Variants in GNAL observed in about 807,000 individuals in gnomAD.
GNAL encodes guanine nucleotide-binding protein G(olf) subunit alpha.
Under a neutral mutation model 55.1 loss-of-function variants are expected in GNAL, and 18 were observed. That is an observed-to-expected ratio of 0.33 (90% CI 0.23 to 0.48). The LOEUF is 0.48. GNAL is among the 20% of genes least tolerant of loss of function. The probability of loss-of-function intolerance (pLI) is 0.99; values close to 1 mark genes in which losing one functional copy is unlikely to be tolerated. For synonymous variants in GNAL, 253 were observed against 237.0 expected (o/e 1.07, Z -0.62); for missense variants, 412 against 614.1 (o/e 0.67, Z 3.48).
intron 4 of GNAL, among the ~76,000 whole-genome samples, chr18:11,766,437 T>C (rs1430821069): frequency 1.3e-5 from 2 of 152,286 alleles, no homozygotes; most frequent in Admixed American, 1.3e-4. Flanking sequence ...CCAAAAGATA[T>C]AAAGGAGCAG....
At chr18:11,733,744 A>G (rs993858856) in intron 1 of GNAL, among the ~76,000 whole-genome samples, 1 of 152,118 alleles carries the variant, frequency 6.6e-6, no homozygotes, top group Admixed American at 6.6e-5. Context: ...CAGACATTAG[A>G]GAGGCAGGAT....
At position 11,884,719 on chromosome 18, in the gene GNAL, AG is replaced by A. The variant is rs1489882371; in HGVS notation, c.*3586del. The A allele has an allele frequency of 4.7e-5, 66 of 1,415,046 alleles. No individual in the cohort carries two copies. The highest frequency in any genetic ancestry group is 5.2e-5 in the Non-Finnish European group (54 of 1,029,534). The allele number at this position is 1,415,046 out of a possible 1,614,324, so 87.7% of individuals were successfully genotyped here. ...ACAGCAGAGGGAAGACTGCCTTCTC[AG>A]GTCCCCCTCAGGTGAGGCAGGGAAC... On this transcript the variant is annotated 3_prime_UTR_variant, in exon 12 of 12. Coordinates refer to ENST00000334049, the MANE Select transcript of GNAL (RefSeq NM_182978.4).
intron 5 of GNAL, among the ~76,000 whole-genome samples, chr18:11,851,009 T>C (rs943729171): frequency 7.2e-5 from 11 of 152,244 alleles, no homozygotes; most frequent in Non-Finnish European, 1.2e-4. Context: ...AAGCAAGCGT[T>C]AGTGCGAAGA....
At chr18:11,764,174 G>A (rs917536661) in intron 4 of GNAL, among the ~76,000 whole-genome samples, 2 of 151,944 alleles carry the variant, frequency 1.3e-5, no homozygotes, top group African/African-American at 4.8e-5. Flanking sequence ...GCACAAGCTC[G>A]GCTCACTGCA....
At chr18:11,712,687 A>G (rs2031866122) in intron 1 of GNAL, among the ~76,000 whole-genome samples, 1 of 151,980 alleles carries the variant, frequency 6.6e-6, no homozygotes, top group East Asian at 1.9e-4. Context: ...TGTCCCATTT[A>G]CTCCTTAATC....
In GNAL at chr18:11,716,267, G is replaced by GGC. The variant is rs559227312; in HGVS notation, c.376+26330_376+26331dup. Among the ~76,000 whole-genome samples the GGC allele has an allele frequency of 2.6e-5, 4 of 152,214 alleles. No individual in the cohort carries two copies. The South Asian group carries it at 6.2e-4, about 24-fold the overall frequency. The stretch of plus-strand genomic sequence containing the variant: ...CGCGGTGAGTGTTACAGTTCTTAAA[G>GGC]GCGGCATGTCCAGAGTTTGTTCCTT... On this transcript the variant is annotated intron_variant, in intron 1 of 11. Transcript: ENST00000334049.
rs761851127 is a variant in GNAL at position 11,689,680 on chromosome 18, C to T, written c.117C>T (p.Ala39=). 2.0e-6 allele frequency: 3 copies of T among 1,464,976 alleles called. No homozygotes were observed. Among genetic ancestry groups the T allele is most frequent in the Middle Eastern group, 2.1e-4 (1 of 4,694 alleles). The allele number at this position is 1,464,976 out of a possible 1,614,324, so 90.7% of individuals were successfully genotyped here. Residue 39 remains alanine (A), a synonymous_variant, in exon 1 of 12, where the codon GCC becomes GCT. Transcript: ENST00000334049. ...DAQPAPAPAL[A]PVRAAARDTA... is the part of the protein sequence containing the mutation. Reference sequence around the variant, plus strand: ...AGCCCGCCCCGGCCCCGGCCCTGGCCCCAGTCCGGGCGGCCGCAAGGGACA... The same window carrying T: ...AGCCCGCCCCGGCCCCGGCCCTGGCTCCAGTCCGGGCGGCCGCAAGGGACA...
intron 1 of GNAL, among the ~76,000 whole-genome samples, chr18:11,690,511 AG>A (rs997553721): frequency 6.6e-6 from 1 of 151,534 alleles, no homozygotes; most frequent in African/African-American, 2.4e-5. Flanking sequence ...CACAATGTGC[AG>A]GTTAGTTACA....
intron 1 of GNAL, among the ~76,000 whole-genome samples, chr18:11,733,805 G>A (rs1023461832): frequency 6.6e-6 from 1 of 150,510 alleles, no homozygotes; most frequent in African/African-American, 2.5e-5. Flanking sequence ...CGCTCTTCAA[G>A]TGATGCCTAC....
At chr18:11,769,582 CCA>C (rs1021191971) in intron 4 of GNAL, among the ~76,000 whole-genome samples, 3 of 152,138 alleles carry the variant, frequency 2.0e-5, no homozygotes, top group African/African-American at 7.2e-5. Flanking sequence ...TAAAGTGAAT[CCA>C]CAGTTGTGGG....
chr18:11,731,444 C>T lies in GNAL; in HGVS notation c.377-21409C>T, dbSNP rs902980956. Among the ~76,000 whole-genome samples, 9 of 152,314 alleles carry T rather than the reference C, an allele frequency of 5.9e-5. No homozygotes were observed. The South Asian group carries it at 1.2e-3, about 21-fold the overall frequency. ...GATTACAGGCGTGAGCCACCGTGCC[C>T]GACTGGGAATTCAGTTTTTAAGGTT... On this transcript the variant is annotated intron_variant, in intron 1 of 11. Coordinates refer to ENST00000334049, the MANE Select transcript of GNAL (RefSeq NM_182978.4).
intron 5 of GNAL, chr18:11,857,921 T>C (rs2036046227): frequency 1.7e-5 from 3 of 179,556 alleles, no homozygotes; most frequent in East Asian, 1.9e-4. Flanking sequence ...TTCATTAACA[T>C]TGGGAAAAGT....
intron 1 of GNAL, among the ~76,000 whole-genome samples, chr18:11,717,930 A>T (rs2143392035): frequency 6.6e-6 from 1 of 152,332 alleles, no homozygotes; most frequent in East Asian, 1.9e-4. Flanking sequence ...TGTACCTCTG[A>T]ACCTAAAATG....
chr18:11,732,842 T>C lies in GNAL; in HGVS notation c.377-20011T>C, dbSNP rs983796022. Among the ~76,000 whole-genome samples, 21 of 152,340 alleles carry C rather than the reference T, an allele frequency of 1.4e-4. No individual in the cohort carries two copies. The South Asian group carries it at 4.3e-3, about 32-fold the overall frequency. On this transcript the variant is annotated intron_variant, in intron 1 of 11. Coordinates refer to ENST00000334049, the MANE Select transcript of GNAL (RefSeq NM_182978.4). ...CTGATGAGAAGCACAGTAAGTTAGC[T>C]ACAGCAATCACATAAGCAGAAGCAC...
chr18:11,721,629 A>G (rs1385257955), intron 1 of GNAL, among the ~76,000 whole-genome samples: 1 of 151,976 alleles, frequency 6.6e-6, no homozygotes, highest in African/African-American at 2.4e-5. Context: ...GGTGGCAGGT[A>G]CTTGTAATCC....
At chr18:11,792,780 G>A (rs1042810927) in intron 4 of GNAL, among the ~76,000 whole-genome samples, 1 of 152,202 alleles carries the variant, frequency 6.6e-6, no homozygotes, top group Admixed American at 6.5e-5. Context: ...GAAGGAGAGG[G>A]TAATTCTTGT....
chr18:11,759,413 ATCTGTTGG>A (rs1302441525), intron 4 of GNAL, among the ~76,000 whole-genome samples: 2 of 152,262 alleles, frequency 1.3e-5, no homozygotes, highest in African/African-American at 4.8e-5. Context: ...AAGCAGTCTG[ATCTGTTGG>A]TCAGTACTTT....
chr18:11,752,253 C>T lies in GNAL; in HGVS notation c.377-600C>T. ...TTACAGCCATTTAGTTGGGAGTTTG[C>T]GGTGGGCAGGGGGAGGGAGAAGAAA... On this transcript the variant is annotated intron_variant, in intron 1 of 11. Transcript: ENST00000334049. This position sits in a 1 kb window ranked among gnomAD's most constrained non-coding sequence, Gnocchi z 4.5. The T allele has an allele frequency of 4.6e-6, 6 of 1,296,640 alleles. No homozygotes were observed. The highest frequency in any genetic ancestry group is 7.5e-5 in the Admixed American group (2 of 26,772). 80.3% of individuals were successfully genotyped at this position (1,296,640 alleles called of 1,614,324 possible). A position where few individuals can be genotyped will look rare whatever the true frequency, so the allele number is the denominator to read the frequency against.
chr18:11,861,897 T>C (rs569421154), intron 5 of GNAL, among the ~76,000 whole-genome samples: 1 of 151,636 alleles, frequency 6.6e-6, no homozygotes, highest in South Asian at 2.1e-4. Flanking sequence ...CTTTTACACA[T>C]TTACTCTTGC....
Sources: gnomAD v4.1 joint callset for allele counts (sites outside exome capture counted in the v4.1 genomes callset) on GRCh38, gnomAD v4.1.1 for gene constraint, Gnocchi (gnomAD v3.1) non-coding constraint, MANE v1.5 for transcripts, NCBI Gene and HGNC (gene_info 2026-07-23, HGNC 2026-07-21) for gene names.